The following EPHA6 variants were observed in gnomAD, a reference collection of about 807,000 sequenced individuals.
EPHA6 encodes the protein EPH receptor A6.
Under a neutral mutation model 112.0 loss-of-function variants are expected in EPHA6, and 50 were observed. The ratio of observed to expected loss-of-function variants is 0.45; its 90% CI spans 0.36 to 0.56. The LOEUF is 0.56. Ranked by LOEUF, EPHA6 falls within the 20% of genes least tolerant of loss-of-function variation. EPHA6 has a pLI of 0.00. For missense variants in EPHA6, 1,280 were observed against 1,417.4 expected (o/e 0.90, Z 1.56); for synonymous variants, 529 against 490.7 (o/e 1.08, Z -1.03).
chr3:97,645,600 G>A (rs1307671133), intron 14 of EPHA6, among the ~76,000 whole-genome samples: 4 of 151,216 alleles, frequency 2.6e-5, no homozygotes, highest in Non-Finnish European at 4.4e-5. Context: ...CACCAGCATG[G>A]CACATGTATA....
At chr3:97,669,941 T>C (rs533669310) in intron 14 of EPHA6, among the ~76,000 whole-genome samples, 1 of 152,320 alleles carries the variant, frequency 6.6e-6, no homozygotes, top group Admixed American at 6.5e-5. Context: ...CATTTGCCTA[T>C]TTCTCTGGAG....
chr3:97,011,806 C>T (rs1464279606), intron 3 of EPHA6, among the ~76,000 whole-genome samples: 1 of 152,138 alleles, frequency 6.6e-6, no homozygotes, highest in African/African-American at 2.4e-5. Context: ...CCGGCTCCTT[C>T]CTCTAGTAGT....
intron 7 of EPHA6, among the ~76,000 whole-genome samples, chr3:97,462,559 G>C (rs1359872373): frequency 6.6e-6 from 1 of 152,080 alleles, no homozygotes; most frequent in African/African-American, 2.4e-5. Context: ...TCTCATGAAT[G>C]TCCTTGCACA....
At chr3:96,852,477 A>G (rs1018282199) in intron 1 of EPHA6, among the ~76,000 whole-genome samples, 1 of 152,024 alleles carries the variant, frequency 6.6e-6, no homozygotes, top group African/African-American at 2.4e-5. Context: ...GGACAGGATA[A>G]GGTCAAAATT....
chr3:96,912,270 A>G (rs1191619848), intron 2 of EPHA6, among the ~76,000 whole-genome samples: 1 of 152,196 alleles, frequency 6.6e-6, no homozygotes, highest in Non-Finnish European at 1.5e-5. Flanking sequence ...CAACGTAGAA[A>G]GTCCTGTCAT....
intron 3 of EPHA6, among the ~76,000 whole-genome samples, chr3:97,028,798 ATTC>A (rs1401163209): frequency 6.6e-6 from 1 of 152,016 alleles, no homozygotes; most frequent in Non-Finnish European, 1.5e-5. Flanking sequence ...AAATATTTAT[ATTC>A]TTATGGATCA....
rs1173690701 is a variant in EPHA6 at position 97,596,152 on chromosome 3, G to A, written c.2512+3415G>A. ...GATCTACTGACCTCATGATCCGCCC[G>A]CCTCTGCCTCCCAAAGTGCTGGGAT... is the stretch of plus-strand genomic sequence containing the variant. On this transcript the variant is annotated intron_variant, in intron 12 of 17. Transcript: ENST00000389672. Among the ~76,000 whole-genome samples the A allele has an allele frequency of 2.0e-5, 3 of 152,076 alleles. No individual in the cohort carries two copies. In the East Asian group the frequency reaches 5.8e-4, roughly 29 times the overall value.
chr3:97,407,649 C>T (rs1263739888), intron 6 of EPHA6, among the ~76,000 whole-genome samples: 1 of 151,994 alleles, frequency 6.6e-6, no homozygotes, highest in Non-Finnish European at 1.5e-5. Flanking sequence ...TCCTTTAACT[C>T]AAGTGAATAC....
chr3:97,085,484 C>A (rs907171807), intron 3 of EPHA6, among the ~76,000 whole-genome samples: 2 of 152,120 alleles, frequency 1.3e-5, no homozygotes, highest in Non-Finnish European at 2.9e-5. Flanking sequence ...TGATCTTAAA[C>A]AAGTTACTTT....
rs191643188 is a variant in EPHA6, at chr3:97,633,064, G to A, written c.2575-4809G>A. 6.6e-5 allele frequency among the ~76,000 whole-genome samples: 10 copies of A among 152,168 alleles called. No individual in the cohort carries two copies. In the East Asian group the frequency reaches 7.8e-4, roughly 12 times the overall value. On this transcript the variant is annotated intron_variant, in intron 13 of 17. Coordinates refer to ENST00000389672, the MANE Select transcript of EPHA6 (RefSeq NM_001080448.3). ...ATGAAGCAGCGCCTTGACAACCATCGTGAAGTGATTGGGTTACCACATAGA... is the reference window on the plus strand; with the variant it reads ...ATGAAGCAGCGCCTTGACAACCATCATGAAGTGATTGGGTTACCACATAGA...
chr3:97,440,678 A>C (rs2107275849), intron 6 of EPHA6, among the ~76,000 whole-genome samples: 1 of 151,644 alleles, frequency 6.6e-6, no homozygotes, highest in Middle Eastern at 3.6e-3. Flanking sequence ...ATCCTCACAT[A>C]TCTAAAACTG....
chr3:97,504,514 C>T (rs768249897), intron 10 of EPHA6, among the ~76,000 whole-genome samples: 6 of 152,058 alleles, frequency 3.9e-5, no homozygotes, highest in Non-Finnish European at 7.4e-5. Context: ...GCTTTGTTTC[C>T]CTTACTGTAT....
intron 14 of EPHA6, among the ~76,000 whole-genome samples, chr3:97,713,402 G>GA (rs539499218): frequency 1.5e-4 from 23 of 152,110 alleles, no homozygotes; most frequent in East Asian, 9.7e-4. Context: ...AAACAAGGGA[G>GA]AAAAAATCTC....
chr3:97,594,718 A>T (rs978793828), intron 12 of EPHA6, among the ~76,000 whole-genome samples: 4 of 152,254 alleles, frequency 2.6e-5, no homozygotes, highest in African/African-American at 2.4e-5. Flanking sequence ...TATATTTTTT[A>T]AAAAAACTAA....
chr3:97,442,865 G>A (rs1022720022), intron 6 of EPHA6, among the ~76,000 whole-genome samples: 3 of 152,062 alleles, frequency 2.0e-5, no homozygotes, highest in Non-Finnish European at 2.9e-5. Flanking sequence ...AATTGTTAAA[G>A]GCTGACCAAA....
intron 16 of EPHA6, among the ~76,000 whole-genome samples, chr3:97,740,438 C>T (rs187980394): frequency 1.9e-3 from 293 of 152,240 alleles, no homozygotes; most frequent in Middle Eastern, 3.4e-3. Context: ...TGTTGGCTAC[C>T]TCAGAAATAA....
intron 6 of EPHA6, among the ~76,000 whole-genome samples, chr3:97,408,056 C>T (rs1316854635): frequency 6.6e-6 from 1 of 151,966 alleles, no homozygotes; most frequent in Non-Finnish European, 1.5e-5. Flanking sequence ...TAACATGGCT[C>T]CTTGAATGCC....
rs374106447 is a variant in EPHA6 at position 97,759,161 on chromosome 3, A to C, written c.*10460A>C. 5.1e-4 allele frequency among the ~76,000 whole-genome samples: 77 copies of C among 152,132 alleles called. No homozygotes were observed. The highest frequency in any genetic ancestry group is 1.8e-3 in the African/African-American group (73 of 41,554). The stretch of plus-strand genomic sequence containing the variant: ...GAAATGCAGTTGCTCATCTGGATTA[A>C]ATGCTTTTAAGAAGTCAAGATTAGA... On this transcript the variant is annotated 3_prime_UTR_variant, in exon 18 of 18. Transcript: ENST00000389672.
chr3:97,280,554 A>G (rs1397479440), intron 5 of EPHA6, among the ~76,000 whole-genome samples: 3 of 151,858 alleles, frequency 2.0e-5, no homozygotes, highest in East Asian at 3.9e-4. Context: ...TTTAATCTCC[A>G]TTTATAAAAC....
Sources: gnomAD v4.1 joint callset for allele counts (sites outside exome capture counted in the v4.1 genomes callset) on GRCh38, gnomAD v4.1.1 for gene constraint, MANE v1.5 for transcripts, NCBI Gene and HGNC (gene_info 2026-07-23, HGNC 2026-07-21) for gene names.